Variants in ROBO2 observed in about 807,000 individuals in gnomAD.
ROBO2 encodes roundabout homolog 2.
In ROBO2, 53 loss-of-function variants were observed where a neutral mutation model predicts 160.8. That is an observed-to-expected ratio of 0.33 (90% CI 0.26 to 0.41). The LOEUF is 0.41. ROBO2 is among the 10% of genes least tolerant of loss of function. The probability of loss-of-function intolerance (pLI) is 1.00; values close to 1 mark genes in which losing one functional copy is unlikely to be tolerated. For synonymous variants in ROBO2, 664 were observed against 611.7 expected, an observed-to-expected ratio of 1.09 and a Z score of -1.26; for missense variants, 1,577 against 1,722.4, an observed-to-expected ratio of 0.92 and a Z score of 1.49.
intron 2 of ROBO2, among the ~76,000 whole-genome samples, chr3:76,825,989 C>T (rs1039676137): frequency 1.3e-5 from 2 of 149,326 alleles, no homozygotes; most frequent in Admixed American, 6.7e-5. Flanking sequence ...AATCTGTTGA[C>T]GAGATTTTTT....
intron 2 of ROBO2, among the ~76,000 whole-genome samples, chr3:76,141,159 C>CTCTCTCTCTCTCTATA (rs1364431015): frequency 1.1e-4 from 1 of 9,174 alleles, no homozygotes; most frequent in African/African-American, 4.3e-4. Context: ...CTCTCTCTCT[C>CTCTCTCTCTCTCTATA]TATATATATA....
intron 2 of ROBO2, among the ~76,000 whole-genome samples, chr3:76,695,200 GCA>G (rs1207444634): frequency 6.6e-6 from 1 of 152,136 alleles, no homozygotes; most frequent in Non-Finnish European, 1.5e-5. Flanking sequence ...TTTTGTTTGG[GCA>G]CAGATAATGA....
intron 2 of ROBO2, among the ~76,000 whole-genome samples, chr3:77,025,781 A>G (rs2062926987): frequency 6.6e-6 from 1 of 152,198 alleles, no homozygotes. Flanking sequence ...AGATACCCAC[A>G]TAAATCACTA....
At chr3:76,224,354 T>C (rs1704154824) in intron 2 of ROBO2, among the ~76,000 whole-genome samples, 1 of 152,128 alleles carries the variant, frequency 6.6e-6, no homozygotes, top group Non-Finnish European at 1.5e-5. Flanking sequence ...CTTAAGAGGA[T>C]ATGAGGCAGA....
At position 77,136,425 on chromosome 3, in the gene ROBO2, T is replaced by G. The variant is rs568312182; in HGVS notation, c.388+38085T>G. On this transcript the variant is annotated intron_variant, in intron 2 of 25. Transcript: ENST00000461745. Reference sequence around the variant, plus strand: ...TTCTAATAGTATTAGGGAAAGTTAGTCTTGTTAATTCATATCTTTTCCTAT... The same window carrying G: ...TTCTAATAGTATTAGGGAAAGTTAGGCTTGTTAATTCATATCTTTTCCTAT... 5.3e-5 allele frequency among the ~76,000 whole-genome samples: 8 copies of G among 151,744 alleles called. No individual in the cohort carries two copies. In the South Asian group the frequency reaches 1.7e-3, roughly 31 times the overall value.
At chr3:76,063,060 C>G (rs1218446279) in intron 2 of ROBO2, among the ~76,000 whole-genome samples, 2 of 152,034 alleles carry the variant, frequency 1.3e-5, no homozygotes, top group Non-Finnish European at 2.9e-5. Context: ...TTCTAAAAGC[C>G]TGGTTACATT....
chr3:77,426,466 T>C (rs542401752), intron 2 of ROBO2, among the ~76,000 whole-genome samples: 1 of 151,924 alleles, frequency 6.6e-6, no homozygotes, highest in African/African-American at 2.4e-5. Context: ...GAGATTAAGG[T>C]AACAGATAAG....
chr3:76,006,742 A>G (rs2066029595), intron 2 of ROBO2, among the ~76,000 whole-genome samples: 1 of 152,128 alleles, frequency 6.6e-6, no homozygotes, highest in African/African-American at 2.4e-5. Flanking sequence ...TTTAACTTTT[A>G]GACATCACTA....
At chr3:77,599,899 A>T (rs999586134) in intron 19 of ROBO2, among the ~76,000 whole-genome samples, 2 of 152,174 alleles carry the variant, frequency 1.3e-5, no homozygotes, top group Non-Finnish European at 2.9e-5. Context: ...TCTTCAAATG[A>T]CTTCGTGATA....
intron 2 of ROBO2, among the ~76,000 whole-genome samples, chr3:76,113,783 T>C (rs116204328): frequency 0.011 from 1,648 of 152,128 alleles, 30 homozygotes; most frequent in African/African-American, 0.035. Flanking sequence ...ACGTTGGAGG[T>C]GGGACCTCAT....
In ROBO2 at chr3:76,132,397, G is replaced by T. The variant is rs114968368; in HGVS notation, c.109+194795G>T. 1.6e-3 allele frequency among the ~76,000 whole-genome samples: 180 copies of T among 115,602 alleles called. 3 individuals are homozygous for T. Among genetic ancestry groups the T allele is most frequent in the African/African-American group, 6.3e-3 (176 of 28,032 alleles). 75.8% of individuals were successfully genotyped at this position (115,602 alleles called of 152,430 possible). ...ACCTGCCCAAATTCCAGACTGTTGGGGGGGGGGGGGGACGCAGATGTTCAG... is the reference window on the plus strand; with the variant it reads ...ACCTGCCCAAATTCCAGACTGTTGGTGGGGGGGGGGGACGCAGATGTTCAG... On this transcript the variant is annotated intron_variant, in intron 2 of 26. Coordinates refer to the ROBO2 transcript ENST00000487694.
At chr3:77,350,109 AAT>A (rs568571820) in intron 2 of ROBO2, among the ~76,000 whole-genome samples, 4 of 150,104 alleles carry the variant, frequency 2.7e-5, no homozygotes, top group East Asian at 1.9e-4. Context: ...ATATATATAT[AAT>A]ATATATATAT....
chr3:77,160,911 C>T (rs1454369210), intron 2 of ROBO2, among the ~76,000 whole-genome samples: 6 of 152,094 alleles, frequency 3.9e-5, no homozygotes, highest in Non-Finnish European at 8.8e-5. Flanking sequence ...TGAGTTTGTT[C>T]TCCTGAAGAA....
rs1220343963 is a variant in ROBO2 at position 76,234,966 on chromosome 3, A to ATG, written c.109+297364_109+297365insTG. 4.6e-3 allele frequency among the ~76,000 whole-genome samples: 695 copies of ATG among 152,256 alleles called. 13 individuals carry two copies. The East Asian group carries it at 0.065, about 14-fold the overall frequency. ...TGATTTAGATGGTTTAGAAGATAAA[A>ATG]ATTTGGACTTTGAGCTGTTGCTGGA... On this transcript the variant is annotated intron_variant, in intron 2 of 26. Transcript: ENST00000487694.
chr3:76,581,482 A>T (rs532017547), intron 2 of ROBO2, among the ~76,000 whole-genome samples: 3 of 152,208 alleles, frequency 2.0e-5, no homozygotes, highest in East Asian at 1.9e-4. Context: ...AAACAAAAAT[A>T]AAAAAATCAG....
intron 8 of ROBO2, among the ~76,000 whole-genome samples, chr3:77,553,590 G>C (rs1409287763): frequency 2.0e-5 from 3 of 151,914 alleles, no homozygotes; most frequent in African/African-American, 4.8e-5. Context: ...TTGAAGGAAA[G>C]TAAAAGTGCT....
At chr3:76,547,334 T>C (rs2083165559) in intron 2 of ROBO2, among the ~76,000 whole-genome samples, 1 of 152,028 alleles carries the variant, frequency 6.6e-6, no homozygotes, top group African/African-American at 2.4e-5. Context: ...CTTAATTCAC[T>C]GGCCCCCTGA....
intron 2 of ROBO2, among the ~76,000 whole-genome samples, chr3:77,137,081 G>T (rs189097040): frequency 6.6e-6 from 1 of 152,240 alleles, no homozygotes; most frequent in Non-Finnish European, 1.5e-5. Flanking sequence ...TCTGCATCCA[G>T]CCTCTTTTCT....
At chr3:77,394,375 T>G (rs2153504033) in intron 2 of ROBO2, among the ~76,000 whole-genome samples, 1 of 152,110 alleles carries the variant, frequency 6.6e-6, no homozygotes, top group East Asian at 1.9e-4. Flanking sequence ...AAACTCTCAG[T>G]GGAATATATT....
Sources: gnomAD v4.1 joint callset for allele counts (sites outside exome capture counted in the v4.1 genomes callset) on GRCh38, gnomAD v4.1.1 for gene constraint, MANE v1.5 for transcripts, NCBI Gene and HGNC (gene_info 2026-07-23, HGNC 2026-07-21) for gene names.